The following CDC14B variants were observed in gnomAD, a reference collection of about 807,000 sequenced individuals.
CDC14B encodes dual specificity protein phosphatase CDC14B.
A neutral mutation model predicts 64.2 loss-of-function variants in CDC14B; 22 were observed. The observed-to-expected ratio is 0.34, with a 90% CI of 0.24 to 0.49. CDC14B has a LOEUF of 0.49. Among genes scored for constraint, CDC14B ranks in the 20% least tolerant of loss-of-function variants. The probability of loss-of-function intolerance (pLI) is 0.99; values close to 1 mark genes in which losing one functional copy is unlikely to be tolerated. For synonymous variants in CDC14B, 191 were observed against 215.8 expected, an observed-to-expected ratio of 0.89 and a Z score of 1.01; for missense variants, 498 against 629.9, an observed-to-expected ratio of 0.79 and a Z score of 2.24.
intron 7 of CDC14B, among the ~76,000 whole-genome samples, chr9:96,536,065 TA>T (rs1429623612): frequency 6.6e-6 from 1 of 152,198 alleles, no homozygotes; most frequent in Non-Finnish European, 1.5e-5. Context: ...CTGATGCCAT[TA>T]ATTAAGATAC....
chr9:96,585,235 G>A (rs1234318420), intron 1 of CDC14B, among the ~76,000 whole-genome samples: 3 of 150,134 alleles, frequency 2.0e-5, no homozygotes, highest in Admixed American at 6.6e-5. Context: ...TTAACTTTAA[G>A]TTCTGGGATA....
At position 96,619,749 on chromosome 9, in the gene CDC14B, A is replaced by ACCGCGG. The variant is rs1847858658; in HGVS notation, c.-377_-372dup. On this transcript the variant is annotated 5_prime_UTR_variant, in exon 1 of 14. Coordinates refer to ENST00000375241, the MANE Select transcript of CDC14B (RefSeq NM_033331.4). ...CTGCCCGGGGTAACCGTGCGTGCCC[A>ACCGCGG]CCGCGGCCGCGGCCGCTGCTGCGTA... The ACCGCGG allele has an allele frequency of 6.6e-6, 1 of 150,784 alleles. No individual in the cohort carries two copies. The highest frequency in any genetic ancestry group is 1.5e-5 in the Non-Finnish European group (1 of 67,592). The allele number at this position is 150,784 out of a possible 1,614,324, so 9.3% of individuals were successfully genotyped here. A position where few individuals can be genotyped will look rare whatever the true frequency, so the allele number is the denominator to read the frequency against.
chr9:96,553,360 C>CT (rs113951578), intron 4 of CDC14B, among the ~76,000 whole-genome samples: 11,089 of 138,538 alleles, frequency 0.08, 871 homozygotes, highest in African/African-American at 0.21. Flanking sequence ...CTTTTCTTTT[C>CT]TTTTTTTTTT....
intron 12 of CDC14B, among the ~76,000 whole-genome samples, chr9:96,521,857 A>G (rs1564231800): frequency 1.3e-5 from 2 of 152,348 alleles, no homozygotes; most frequent in East Asian, 1.9e-4. Context: ...ACAGCCTACA[A>G]AAAATACCAT....
intron 5 of CDC14B, among the ~76,000 whole-genome samples, chr9:96,548,679 T>A (rs908810662): frequency 2.0e-5 from 3 of 151,980 alleles, no homozygotes; most frequent in Non-Finnish European, 2.9e-5. Flanking sequence ...TAGCCGGGCA[T>A]GGTGGCATCT....
chr9:96,551,918 G>A lies in CDC14B; in HGVS notation c.421-46C>T, dbSNP rs1211477406. ...AAAAGGCAATTTATTTCTAAGTGAA[G>A]ATACAGTGCTGTCACTGCGAAGTAA... On this transcript the variant is annotated intron_variant, in intron 4 of 13. Transcript: ENST00000375241. The A allele has an allele frequency of 2.5e-6, 4 of 1,579,134 alleles. No homozygotes were observed. The Admixed American group carries it at 7.4e-5, about 29-fold the overall frequency.
intron 9 of CDC14B, among the ~76,000 whole-genome samples, chr9:96,527,686 G>C (rs1028166726): frequency 1.3e-5 from 2 of 151,906 alleles, no homozygotes; most frequent in Non-Finnish European, 2.9e-5. Flanking sequence ...CGCAATCTCA[G>C]CTCACCGCAA....
intron 1 of CDC14B, among the ~76,000 whole-genome samples, chr9:96,599,168 T>G (rs531111847): frequency 1.3e-5 from 2 of 152,184 alleles, no homozygotes; most frequent in South Asian, 4.1e-4. Context: ...TCACCTGAGG[T>G]CAGGAGTTCA....
chr9:96,572,612 A>G (rs1301452748), intron 1 of CDC14B, among the ~76,000 whole-genome samples: 1 of 152,254 alleles, frequency 6.6e-6, no homozygotes. Flanking sequence ...CAAATGGTCA[A>G]TAGCATATGA....
intron 2 of CDC14B, 78 bp from the exon 3 acceptor site, chr9:96,564,930 T>G: frequency 1.1e-6 from 1 of 899,368 alleles, no homozygotes; most frequent in Non-Finnish European, 1.7e-6. Flanking sequence ...GTCTACAAGA[T>G]CAAATTAAGA....
intron 1 of CDC14B, among the ~76,000 whole-genome samples, chr9:96,584,605 G>A (rs919978726): frequency 2.0e-5 from 3 of 152,178 alleles, no homozygotes; most frequent in Non-Finnish European, 2.9e-5. Flanking sequence ...AGATAAGTAA[G>A]TGTCTATATC....
At chr9:96,583,370 T>TTAA (rs1554775482) in intron 1 of CDC14B, among the ~76,000 whole-genome samples, 4 of 139,104 alleles carry the variant, frequency 2.9e-5, no homozygotes, top group Non-Finnish European at 6.1e-5. Flanking sequence ...GTTGTATTTA[T>TTAA]TTATTATTAT....
intron 3 of CDC14B, among the ~76,000 whole-genome samples, chr9:96,563,675 A>G (rs969753106): frequency 6.6e-6 from 1 of 150,618 alleles, no homozygotes; most frequent in Non-Finnish European, 1.5e-5. Context: ...AAAAAAAAAA[A>G]GGAAGAAGAA....
chr9:96,502,147 T>G lies in CDC14B; in HGVS notation c.*1606A>C, dbSNP rs1306639688. 6.6e-6 allele frequency: 1 copy of G among 152,170 alleles called. No individual in the cohort carries two copies. The highest frequency in any genetic ancestry group is 2.1e-4 in the South Asian group (1 of 4,822). 9.4% of individuals were successfully genotyped at this position (152,170 alleles called of 1,614,324 possible). ...TTTCCAGGGACAGAAAACCACTGTT[T>G]TTCTGTGATCCAGTCCCCAGTGTTT... On this transcript the variant is annotated 3_prime_UTR_variant, in exon 14 of 14. Coordinates refer to ENST00000375241, the MANE Select transcript of CDC14B (RefSeq NM_033331.4).
At chr9:96,610,015 T>C (rs949006175) in intron 1 of CDC14B, among the ~76,000 whole-genome samples, 1 of 152,024 alleles carries the variant, frequency 6.6e-6, no homozygotes, top group Non-Finnish European at 1.5e-5. Flanking sequence ...CTCTAGAATA[T>C]AAATAATGCT....
intron 7 of CDC14B, among the ~76,000 whole-genome samples, chr9:96,537,733 T>C (rs1307718374): frequency 6.6e-6 from 1 of 151,808 alleles, no homozygotes; most frequent in East Asian, 1.9e-4. Context: ...AATTTTTCCC[T>C]TTTTTTTGAG....
intron 6 of CDC14B, 138 bp downstream of exon 6, chr9:96,541,688 G>T: frequency 4.2e-6 from 2 of 472,436 alleles, no homozygotes; most frequent in Middle Eastern, 3.0e-4. Flanking sequence ...GACATTAGTT[G>T]GGAAATGGAG....
chr9:96,617,847 G>C (rs1348425382), intron 1 of CDC14B, among the ~76,000 whole-genome samples: 4 of 152,132 alleles, frequency 2.6e-5, no homozygotes, highest in Non-Finnish European at 5.9e-5. Flanking sequence ...CTTTCAAGAG[G>C]TATAAACAAT....
intron 11 of CDC14B, among the ~76,000 whole-genome samples, chr9:96,522,891 T>TA (rs16912152): frequency 0.017 from 2,539 of 152,338 alleles, 72 homozygotes; most frequent in African/African-American, 0.058. Context: ...TACTACCACT[T>TA]AATGTAGTAG....
Sources: gnomAD v4.1 joint callset for allele counts (sites outside exome capture counted in the v4.1 genomes callset) on GRCh38, gnomAD v4.1.1 for gene constraint, MANE v1.5 for transcripts, NCBI Gene and HGNC (gene_info 2026-07-23, HGNC 2026-07-21) for gene names.